Variants in ZNF519 observed in about 807,000 individuals in gnomAD.
The protein encoded by ZNF519 is similar to Zinc finger protein 85 (Zinc finger protein HPF4) (HTF1).
ZNF519 carries 7 observed loss-of-function variants against 7.4 expected under a neutral mutation model. That is an observed-to-expected ratio of 0.94 (90% confidence interval 0.54 to 1.77). The LOEUF (loss-of-function observed/expected upper bound fraction) is 1.77. ZNF519 is among the 40% of genes most tolerant of loss of function. The pLI, the probability that ZNF519 is intolerant of heterozygous loss-of-function variation, is 0.00. For missense variants in ZNF519, 586 were observed against 623.1 expected, an observed-to-expected ratio of 0.94 and a Z score of 0.63; for synonymous variants, 179 against 203.3, an observed-to-expected ratio of 0.88 and a Z score of 1.02.
chr18:14,131,246 T>C (rs574003342), intron 1 of ZNF519, among the ~76,000 whole-genome samples: 2 of 152,328 alleles, frequency 1.3e-5, no homozygotes, highest in South Asian at 4.1e-4. Context: ...TATTTTCTGC[T>C]TTTTTCTCAT....
At chr18:14,071,760 T>C (rs1244412522), downstream of ZNF519, 1 of 152,134 alleles carries the variant, frequency 6.6e-6, no homozygotes, top group African/African-American at 2.4e-5. Context: ...ACAGGAGCTC[T>C]TTCTCAGACA....
At chr18:14,119,105 A>G (rs2046259195) in intron 2 of ZNF519, among the ~76,000 whole-genome samples, 1 of 152,140 alleles carries the variant, frequency 6.6e-6, no homozygotes, top group African/African-American at 2.4e-5. Flanking sequence ...CCAGGTCCCA[A>G]AAAGAATCCA....
Position 14,104,903 on chromosome 18 carries a change from C to T in ZNF519, c.*14G>A. The T allele has an allele frequency of 6.6e-7, 1 of 1,518,212 alleles. No homozygotes were observed. The highest frequency in any genetic ancestry group is 1.4e-5 in the South Asian group (1 of 71,706). 94.0% of individuals were successfully genotyped at this position (1,518,212 alleles called of 1,614,324 possible). A position where few individuals can be genotyped will look rare whatever the true frequency, so the allele number is the denominator to read the frequency against. ...GTTTAGGGTTTTAGCACATTCTTTACACTTGCAGGGTTTCTACCTGGTATG... is the reference window on the plus strand; with the variant it reads ...GTTTAGGGTTTTAGCACATTCTTTATACTTGCAGGGTTTCTACCTGGTATG... On this transcript the variant is annotated 3_prime_UTR_variant, in exon 3 of 3. Coordinates refer to ENST00000590202, the MANE Select transcript of ZNF519 (RefSeq NM_145287.4).
downstream of ZNF519, chr18:14,075,409 G>A (rs1211973317): frequency 6.6e-6 from 1 of 152,226 alleles, no homozygotes. Flanking sequence ...GAGTACATGG[G>A]GCTGACTGTG....
chr18:14,107,116 A>G (rs12604107), intron 2 of ZNF519, among the ~76,000 whole-genome samples: 29,874 of 151,986 alleles, frequency 0.2, 3,615 homozygotes, highest in South Asian at 0.29. Context: ...TGAGATACAA[A>G]CTGGTGCAGC....
In ZNF519 at chr18:14,132,350, G is replaced by C; in HGVS notation, c.-73C>G. The C allele has an allele frequency of 2.5e-6, 4 of 1,576,138 alleles. No homozygotes were observed. The highest frequency in any genetic ancestry group is 3.5e-6 in the Non-Finnish European group (4 of 1,147,046). On this transcript the variant is annotated 5_prime_UTR_variant, in exon 1 of 3. Coordinates refer to ENST00000590202, the MANE Select transcript of ZNF519 (RefSeq NM_145287.4). ...TGCCAGCAGGTCACAGAGCGACGGA[G>C]TGAGTGGCAGAATCACCGAAGTCTC...
At chr18:14,125,550 A>AG in intron 1 of ZNF519, among the ~76,000 whole-genome samples, 1 of 152,342 alleles carries the variant, frequency 6.6e-6, no homozygotes, top group East Asian at 1.9e-4. Flanking sequence ...CATTTTAGAC[A>AG]GATGGAGAGA....
rs2143118201 is a variant in ZNF519 at position 14,102,262 on chromosome 18, G to C, written c.*2655C>G. The C allele has an allele frequency of 6.6e-6, 1 of 152,216 alleles. No individual in the cohort carries two copies. The highest frequency in any genetic ancestry group is 6.5e-5 in the Admixed American group (1 of 15,294). 9.4% of individuals were successfully genotyped at this position (152,216 alleles called of 1,614,324 possible). ...GGCTCACTGCAACCTCCACCTCTCAGGTTTAAGTGATTTTCCTGTCTCAGC... is the reference window on the plus strand; with the variant it reads ...GGCTCACTGCAACCTCCACCTCTCACGTTTAAGTGATTTTCCTGTCTCAGC... On this transcript the variant is annotated 3_prime_UTR_variant, in exon 3 of 3. Coordinates refer to ENST00000590202, the MANE Select transcript of ZNF519 (RefSeq NM_145287.4).
At chr18:14,071,757 CT>C (rs1346304441), downstream of ZNF519, 2 of 152,172 alleles carry the variant, frequency 1.3e-5, no homozygotes, top group Non-Finnish European at 2.9e-5. Context: ...TTTACAGGAG[CT>C]CTTTCTCAGA....
chr18:14,095,289 CT>C (rs1301938653), downstream of ZNF519, among the ~76,000 whole-genome samples: 2 of 152,206 alleles, frequency 1.3e-5, no homozygotes, highest in Non-Finnish European at 2.9e-5. Context: ...CACTGTGTGA[CT>C]CTGCCTCGTG....
rs1172273610 is a variant in ZNF519 at position 14,105,390 on chromosome 18, C to T, written c.1150G>A (p.Ala384Thr). The change falls in exon 3 of 3, where the codon GCC becomes ACC. Residue 384 changes from alanine to threonine, a missense_variant. Coordinates refer to ENST00000590202, the MANE Select transcript of ZNF519 (RefSeq NM_145287.4). Reference sequence around the variant, plus strand: ...GTAACGTATGAGCTTCTATTAAAGGCTTTGCCACATTCCTTACATCTGAAA... The same window carrying T: ...GTAACGTATGAGCTTCTATTAAAGGTTTTGCCACATTCCTTACATCTGAAA... ...KPFRCKECGKAFNRSSYVTQH... is the reference protein window; with the variant it reads ...KPFRCKECGKTFNRSSYVTQH... 4.3e-6 allele frequency: 7 copies of T among 1,613,934 alleles called. No homozygotes were observed. The highest frequency in any genetic ancestry group is 1.7e-5 in the Admixed American group (1 of 60,000).
At chr18:14,091,976 T>C (rs2046116410) in intron 2 of ZNF519, among the ~76,000 whole-genome samples, 1 of 151,888 alleles carries the variant, frequency 6.6e-6, no homozygotes, top group Admixed American at 6.6e-5. Flanking sequence ...CCACCAAGGG[T>C]CAGATGATGG....
chr18:14,092,470 T>C (rs1418575160), intron 2 of ZNF519, among the ~76,000 whole-genome samples: 1 of 152,006 alleles, frequency 6.6e-6, no homozygotes, highest in Non-Finnish European at 1.5e-5. Flanking sequence ...ATGTGACAGG[T>C]CATTGGGGAG....
In ZNF519 at chr18:14,105,887, G is replaced by A. The variant is rs199508867; in HGVS notation, c.653C>T (p.Ser218Phe). The change falls in exon 3 of 3, where the codon TCT (serine) becomes TTT (phenylalanine). Residue 218 changes from serine to phenylalanine, a missense_variant. By Grantham distance (155) the Ser-to-Phe change is radical (BLOSUM62 -2). Transcript: ENST00000590202. ...PYNSNECGETSDPFSKLTQHQ... is the reference protein window; with the variant it reads ...PYNSNECGETFDPFSKLTQHQ... Reference sequence around the variant, plus strand: ...TTGAGTAAGCTTTGAGAATGGGTCAGAAGTTTCACCACATTCATTAGAGTT... The same window carrying A: ...TTGAGTAAGCTTTGAGAATGGGTCAAAAGTTTCACCACATTCATTAGAGTT... 6.2e-7 allele frequency: 1 copy of A among 1,608,190 alleles called. No homozygotes were observed. The highest frequency in any genetic ancestry group is 8.5e-7 in the Non-Finnish European group (1 of 1,178,556).
chr18:14,132,047 C>G (rs934343982), intron 1 of ZNF519, among the ~76,000 whole-genome samples: 1 of 152,124 alleles, frequency 6.6e-6, no homozygotes, highest in Non-Finnish European at 1.5e-5. Flanking sequence ...ACCTCACAAC[C>G]TGGGGAAGAT....
chr18:14,105,023 T>C lies in ZNF519; in HGVS notation c.1517A>G (p.His506Arg). Reference sequence around the variant, plus strand: ...TTTCTCTCCAGTATGAATTCTCTGATGTTGAGTAAGGTGTGAGCTCCTGGT... The same window carrying C: ...TTTCTCTCCAGTATGAATTCTCTGACGTTGAGTAAGGTGTGAGCTCCTGGT... ...AFTRSSHLTQ[H>R]QRIHTGEKPF... The change falls in exon 3 of 3, where the codon CAT becomes CGT. Residue 506 changes from histidine to arginine, a missense_variant. Physicochemically the swap from His to Arg is conservative, Grantham distance 29 (BLOSUM62 0). Transcript: ENST00000590202. The C allele has an allele frequency of 6.2e-7, 1 of 1,604,562 alleles. No homozygotes were observed. Among genetic ancestry groups the C allele is most frequent in the Middle Eastern group, 1.7e-4 (1 of 6,002 alleles).
downstream of ZNF519, chr18:14,071,446 C>A (rs2046027956): frequency 6.6e-6 from 1 of 152,156 alleles, no homozygotes; most frequent in African/African-American, 2.4e-5. Context: ...CAATAGTGAA[C>A]TAATAAAAAT....
rs558697211 is a variant in ZNF519, at chr18:14,106,174, T to C, written c.366A>G (p.Arg122=). Residue 122 remains arginine, a synonymous_variant, in exon 3 of 3, where the codon AGA becomes AGG. Coordinates refer to ENST00000590202, the MANE Select transcript of ZNF519 (RefSeq NM_145287.4). ...GAAACTGAGGCTTCTTCTGAAATATTCTATATTCTTTGTCTCCTTTCACAG... is the reference window on the plus strand; with the variant it reads ...GAAACTGAGGCTTCTTCTGAAATATCCTATATTCTTTGTCTCCTTTCACAG... The part of the protein sequence containing the change: ...HLTVKGDKEY[R]IFQKKPQFLS... 1 of 1,612,518 alleles carries C rather than the reference T, an allele frequency of 6.2e-7. No individual in the cohort carries two copies. The highest frequency in any genetic ancestry group is 1.3e-5 in the African/African-American group (1 of 74,694).
chr18:14,105,795 G>C lies in ZNF519; in HGVS notation c.745C>G (p.Gln249Glu). ...CNKKCIIVFS[Q>E]SHLKGHKIIN... Reference sequence around the variant, plus strand: ...ATCTTATGTCCCTTTAGATGTGATTGACTAAAGACTATTATACATTTTTTA... The same window carrying C: ...ATCTTATGTCCCTTTAGATGTGATTCACTAAAGACTATTATACATTTTTTA... The change falls in exon 3 of 3, where the codon CAA (glutamine) becomes GAA (glutamate). Residue 249 changes from glutamine (Q) to glutamate (E), a missense_variant. Gln to Glu is a conservative substitution (Grantham distance 29, BLOSUM62 2). Transcript: ENST00000590202. 1 of 1,607,640 alleles carries C rather than the reference G, an allele frequency of 6.2e-7. No individual in the cohort carries two copies. Among genetic ancestry groups the C allele is most frequent in the Non-Finnish European group, 8.5e-7 (1 of 1,178,380 alleles).
Sources: allele counts gnomAD v4.1 joint callset (sites outside exome capture counted in the v4.1 genomes callset), GRCh38; gene constraint gnomAD v4.1.1; transcripts MANE v1.5; gene names NCBI Gene and HGNC (gene_info 2026-07-23, HGNC 2026-07-21).